TADA2A: variants seen among roughly 807,000 people sequenced by gnomAD.
TADA2A encodes transcriptional adapter 2-alpha.
In TADA2A, 38 loss-of-function variants were observed where a neutral mutation model predicts 67.4. That is an observed-to-expected ratio of 0.56 (90% CI 0.44 to 0.74). The LOEUF is 0.74. TADA2A is among the 30% of genes least tolerant of loss of function. The pLI, the probability that TADA2A is intolerant of heterozygous loss-of-function variation, is 0.00. For missense variants in TADA2A, 454 were observed against 547.0 expected (o/e 0.83, Z 1.70); for synonymous variants, 192 against 181.6 (o/e 1.06, Z -0.46).
At chr17:37,427,509 G>A (rs887640784) in intron 4 of TADA2A, among the ~76,000 whole-genome samples, 7 of 152,152 alleles carry the variant, frequency 4.6e-5, no homozygotes, top group African/African-American at 1.7e-4. Context: ...TCACTGAAGA[G>A]GCAGACTGGT....
intron 9 of TADA2A, among the ~76,000 whole-genome samples, chr17:37,460,971 A>G (rs1412688567): frequency 6.6e-6 from 1 of 152,108 alleles, no homozygotes; most frequent in Non-Finnish European, 1.5e-5. Flanking sequence ...CTCTTAAAAA[A>G]AAAAGCAAAA....
At chr17:37,474,679 A>AT (rs755005100) in intron 15 of TADA2A, 50 bp downstream of exon 15, 7 of 1,557,108 alleles carry the variant, frequency 4.5e-6, no homozygotes, top group Middle Eastern at 1.7e-4. Flanking sequence ...CTGATTATTC[A>AT]TTGAGTTGTC....
chr17:37,428,531 T>G (rs1399499525), intron 4 of TADA2A, among the ~76,000 whole-genome samples: 1 of 152,166 alleles, frequency 6.6e-6, no homozygotes, highest in Non-Finnish European at 1.5e-5. Context: ...CTCTATGACC[T>G]CTCCTATTGC....
At position 37,479,021 on chromosome 17, in the gene TADA2A, G is replaced by A. The variant is rs2053940723; in HGVS notation, c.*2039G>A. ...CTCTTATCCCTGAAAGGAAACTCCTGTTCTGAAAAGTTGGGATGCATTAGC... is the reference window on the plus strand; with the variant it reads ...CTCTTATCCCTGAAAGGAAACTCCTATTCTGAAAAGTTGGGATGCATTAGC... On this transcript the variant is annotated 3_prime_UTR_variant, in exon 16 of 16. Transcript: ENST00000615182. 1 of 152,188 alleles carries A rather than the reference G, an allele frequency of 6.6e-6. No homozygotes were observed. The highest frequency in any genetic ancestry group is 2.1e-4 in the South Asian group (1 of 4,834). 9.4% of individuals were successfully genotyped at this position (152,188 alleles called of 1,614,324 possible).
At chr17:37,437,917 G>A (rs999845356) in intron 5 of TADA2A, 88 bp downstream of exon 5, 2 of 1,235,216 alleles carry the variant, frequency 1.6e-6, no homozygotes, top group Admixed American at 1.8e-5. Context: ...ACCTCAGGAA[G>A]AGAAAGTATG....
At chr17:37,432,778 G>C (rs1379377463) in intron 4 of TADA2A, among the ~76,000 whole-genome samples, 1 of 152,114 alleles carries the variant, frequency 6.6e-6, no homozygotes, top group African/African-American at 2.4e-5. Flanking sequence ...CGATTGGCAA[G>C]TTTTCCAAAG....
chr17:37,458,435 G>C lies in TADA2A; in HGVS notation c.605-89G>C. On this transcript the variant is annotated intron_variant, in intron 8 of 15. Transcript: ENST00000615182. ...TAGCAATATGAGGTTCAAAGTTTGG[G>C]TAAAAGATTTATTTTTGTCTTGGTT... 1.8e-5 allele frequency: 17 copies of C among 931,128 alleles called. 1 individual carries two copies. The highest frequency in any genetic ancestry group is 2.4e-5 in the Non-Finnish European group (17 of 709,054). The allele number at this position is 931,128 out of a possible 1,614,324, so 57.7% of individuals were successfully genotyped here. A position where few individuals can be genotyped will look rare whatever the true frequency, so the allele number is the denominator to read the frequency against.
At chr17:37,462,382 A>G (rs1346909378) in intron 10 of TADA2A, among the ~76,000 whole-genome samples, 1 of 152,006 alleles carries the variant, frequency 6.6e-6, no homozygotes, top group East Asian at 1.9e-4. Flanking sequence ...TAATCCCAGC[A>G]CTTTGGGAGG....
At chr17:37,424,529 AC>A (rs917901658) in intron 3 of TADA2A, among the ~76,000 whole-genome samples, 7 of 150,648 alleles carry the variant, frequency 4.6e-5, no homozygotes, top group Admixed American at 4.6e-4. Flanking sequence ...AACAAACAAA[AC>A]CCTAATAGTT....
intron 14 of TADA2A, among the ~76,000 whole-genome samples, chr17:37,472,543 G>A (rs1443718595): frequency 1.3e-5 from 2 of 151,866 alleles, no homozygotes; most frequent in African/African-American, 4.8e-5. Context: ...ATACAACTAA[G>A]TTAATACTGG....
intron 1 of TADA2A, among the ~76,000 whole-genome samples, chr17:37,409,767 C>CAAA (rs71135718): frequency 2.0e-4 from 28 of 141,966 alleles, no homozygotes; most frequent in African/African-American, 6.0e-4. Flanking sequence ...GACTTAGTCT[C>CAAA]AAAAAAAAAC....
At position 37,467,471 on chromosome 17, in the gene TADA2A, A is replaced by C; in HGVS notation, c.841A>C (p.Arg281=). The part of the protein sequence containing the change: ...ESHALEFELR[R]EIKRLQEYRT... Reference sequence around the variant, plus strand: ...GAAAACAGTGGAATTTGAACTCCGAAGGGAAATCAAGAGGCTCCAAGAATA... The same window carrying C: ...GAAAACAGTGGAATTTGAACTCCGACGGGAAATCAAGAGGCTCCAAGAATA... The change falls in exon 12 of 16, where the codon AGG becomes CGG. Residue 281 remains arginine, a synonymous_variant. Coordinates refer to ENST00000615182, the MANE Select transcript of TADA2A (RefSeq NM_001166105.3). 1 of 1,613,820 alleles carries C rather than the reference A, an allele frequency of 6.2e-7. No individual in the cohort carries two copies. The highest frequency in any genetic ancestry group is 8.5e-7 in the Non-Finnish European group (1 of 1,179,956).
At chr17:37,446,379 T>C (rs1398880442) in intron 8 of TADA2A, among the ~76,000 whole-genome samples, 1 of 152,144 alleles carries the variant, frequency 6.6e-6, no homozygotes, top group African/African-American at 2.4e-5. Flanking sequence ...GGTATTGTTT[T>C]CTGGCTTGTA....
intron 5 of TADA2A, 38 bp from the exon 6 acceptor site, chr17:37,440,467 A>G (rs1037589375): frequency 3.1e-6 from 5 of 1,608,794 alleles, no homozygotes; most frequent in Non-Finnish European, 4.3e-6. Context: ...ATGTGTAAAT[A>G]CAAGTACCAC....
chr17:37,465,071 C>A (rs572482671), intron 10 of TADA2A, among the ~76,000 whole-genome samples: 5 of 150,474 alleles, frequency 3.3e-5, no homozygotes, highest in Non-Finnish European at 5.9e-5. Flanking sequence ...TTGCTTGAAT[C>A]CAGGAGATGG....
At chr17:37,410,546 T>G (rs1213935144) in intron 1 of TADA2A, among the ~76,000 whole-genome samples, 1 of 152,102 alleles carries the variant, frequency 6.6e-6, no homozygotes, top group Non-Finnish European at 1.5e-5. Flanking sequence ...TGGTTTCCAG[T>G]TACAGAAACT....
rs60163170 is a variant in TADA2A, at chr17:37,422,481, GATT to G, written c.26-988_26-986del. Among the ~76,000 whole-genome samples the G allele has an allele frequency of 8.5e-3, 1,169 of 136,964 alleles. 9 individuals carry two copies. The highest frequency in any genetic ancestry group is 0.021 in the African/African-American group (756 of 36,618). The allele number at this position is 136,964 out of a possible 152,430, so 89.9% of individuals were successfully genotyped here. On this transcript the variant is annotated intron_variant, in intron 2 of 15. Coordinates refer to ENST00000615182, the MANE Select transcript of TADA2A (RefSeq NM_001166105.3). ...CAGGCGTGAGCCACCATGCCCAGCT[GATT>G]ATTATTATTATTATTATTATTATTA...
chr17:37,451,946 T>G (rs941334250), intron 8 of TADA2A, among the ~76,000 whole-genome samples: 2 of 152,028 alleles, frequency 1.3e-5, no homozygotes, highest in Non-Finnish European at 2.9e-5. Flanking sequence ...ACTGCGCTGT[T>G]GCACTCCAGC....
intron 8 of TADA2A, among the ~76,000 whole-genome samples, chr17:37,453,952 T>C (rs1469883180): frequency 1.3e-5 from 2 of 151,742 alleles, no homozygotes; most frequent in Non-Finnish European, 2.9e-5. Context: ...TTGTATTTTT[T>C]AGTAGAGACA....
Sources: gnomAD v4.1 joint callset for allele counts (sites outside exome capture counted in the v4.1 genomes callset) on GRCh38, gnomAD v4.1.1 for gene constraint, MANE v1.5 for transcripts, NCBI Gene and HGNC (gene_info 2026-07-23, HGNC 2026-07-21) for gene names.